ZNF419: variants seen among roughly 807,000 people sequenced by gnomAD.
The protein encoded by ZNF419 is zinc finger protein 419.
ZNF419 carries 8 observed loss-of-function variants against 14.9 expected under a neutral mutation model. That is an observed-to-expected ratio of 0.54 (90% confidence interval 0.32 to 0.97). The LOEUF is 0.97. ZNF419 is among the 50% of genes least tolerant of loss of function. The pLI, the probability that ZNF419 is intolerant of heterozygous loss-of-function variation, is 0.04. For missense variants in ZNF419, 595 were observed against 607.2 expected (o/e 0.98, Z 0.21); for synonymous variants, 211 against 205.3 (o/e 1.03, Z -0.24).
Position 57,493,721 on chromosome 19 carries a change from A to G in ZNF419, c.1164A>G (p.Gln388=), listed in dbSNP as rs752851392. The G allele has an allele frequency of 1.1e-5, 18 of 1,614,046 alleles. No homozygotes were observed. Among genetic ancestry groups the G allele is most frequent in the Admixed American group, 3.3e-5 (2 of 60,000 alleles). The change falls in exon 5 of 5, where the codon CAA becomes CAG. Residue 388 remains glutamine (Q), a synonymous_variant. Coordinates refer to ENST00000221735, the MANE Select transcript of ZNF419 (RefSeq NM_024691.4). The part of the protein sequence containing the change: ...KFFTQCSSLM[Q]HQKVHTGEKP... ...TTACCCAATGCTCAAGCCTCATGCA[A>G]CATCAAAAAGTTCACACTGGAGAAA...
intron 2 of ZNF419, 53 bp from the exon 3 acceptor site, chr19:57,491,418 A>G (rs746626372): frequency 4.4e-6 from 7 of 1,605,944 alleles, no homozygotes; most frequent in Non-Finnish European, 3.4e-6. Flanking sequence ...GCAGATGCCT[A>G]AATTTCCCAG....
chr19:57,493,619 C>T lies in ZNF419; in HGVS notation c.1062C>T (p.His354=). ...GTGAATGTGGAAAATTCTATAGCCA[C>T]AAGTCCAACCTTATCAAACATTGGC... ...KCSECGKFYS[H]KSNLIKHWRV... Residue 354 remains histidine (H), a synonymous_variant, in exon 5 of 5, where the codon CAC becomes CAT. Coordinates refer to ENST00000221735, the MANE Select transcript of ZNF419 (RefSeq NM_024691.4). 2 of 1,613,994 alleles carry T rather than the reference C, an allele frequency of 1.2e-6. No homozygotes were observed. Among genetic ancestry groups the T allele is most frequent in the South Asian group, 1.1e-5 (1 of 91,068 alleles).
chr19:57,493,929 A>T lies in ZNF419; in HGVS notation c.1372A>T (p.Asn458Tyr). The T allele has an allele frequency of 6.2e-7, 1 of 1,614,050 alleles. No homozygotes were observed. The highest frequency in any genetic ancestry group is 8.5e-7 in the Non-Finnish European group (1 of 1,180,006). The change falls in exon 5 of 5, where the codon AAT becomes TAT. Residue 458 changes from asparagine to tyrosine, a missense_variant. By Grantham distance (143) the Asn-to-Tyr change is moderately radical. Coordinates refer to ENST00000221735, the MANE Select transcript of ZNF419 (RefSeq NM_024691.4). ...CATTGGAGAAAAGCCTTTTAAGTGC[A>T]ATGAATGTGGGAGATTGTTTAGAGA... Reference protein sequence around the residue: ...VHIGEKPFKCNECGRLFRENS... With the variant: ...VHIGEKPFKCYECGRLFRENS...
Position 57,494,381 on chromosome 19 carries a change from G to A in ZNF419, c.*291G>A. 2.8e-6 allele frequency: 1 copy of A among 353,504 alleles called. No homozygotes were observed. The highest frequency in any genetic ancestry group is 4.9e-6 in the Non-Finnish European group (1 of 203,322). 21.9% of individuals were successfully genotyped at this position (353,504 alleles called of 1,614,324 possible). A position where few individuals can be genotyped will look rare whatever the true frequency, so the allele number is the denominator to read the frequency against. On this transcript the variant is annotated 3_prime_UTR_variant, in exon 5 of 5. Coordinates refer to ENST00000221735, the MANE Select transcript of ZNF419 (RefSeq NM_024691.4). ...CACTTAAAACAGAAACTCTGAGGATGGCCTTTATGAGGGAGCTGGCAATTG... is the reference window on the plus strand; with the variant it reads ...CACTTAAAACAGAAACTCTGAGGATAGCCTTTATGAGGGAGCTGGCAATTG...
chr19:57,489,632 G>A (rs562842213), intron 1 of ZNF419: 23 of 154,318 alleles, frequency 1.5e-4, no homozygotes, highest in African/African-American at 5.3e-4. Context: ...TGGGATTACA[G>A]GCATGCACCA....
In ZNF419 at chr19:57,487,832, G is replaced by C. The variant is rs1443519909; in HGVS notation, c.-119G>C. On this transcript the variant is annotated 5_prime_UTR_variant, in exon 1 of 5. Transcript: ENST00000221735. ...GGCGACCAGCGCCGGAAGGCACGGT[G>C]GCGACTCACGCTGTTCTCGCCGCTC... 2 of 1,461,276 alleles carry C rather than the reference G, an allele frequency of 1.4e-6. No individual in the cohort carries two copies. The highest frequency in any genetic ancestry group is 1.9e-6 in the Non-Finnish European group (2 of 1,047,032). The allele number at this position is 1,461,276 out of a possible 1,614,324, so 90.5% of individuals were successfully genotyped here. A position where few individuals can be genotyped will look rare whatever the true frequency, so the allele number is the denominator to read the frequency against.
In ZNF419 at chr19:57,493,815, GT is replaced by G; in HGVS notation, c.1260del (p.His421ThrfsTer166). ...ENSTLVRHQR[V>X]HTGAKPYECR... ...TTCCACCCTAGTTAGACATCAGAGGGTTCACACTGGAGCAAAGCCTTATGAG... is the reference window on the plus strand; with the variant it reads ...TTCCACCCTAGTTAGACATCAGAGGGTCACACTGGAGCAAAGCCTTATGAG... On this transcript the variant is annotated frameshift_variant, in exon 5 of 5. Transcript: ENST00000221735. LOFTEE classifies it low-confidence loss of function (END_TRUNC). 6.2e-7 allele frequency: 1 copy of G among 1,614,030 alleles called. No individual in the cohort carries two copies. The highest frequency in any genetic ancestry group is 8.5e-7 in the Non-Finnish European group (1 of 1,179,980).
At chr19:57,492,708 C>A (rs2089518235) in intron 4 of ZNF419, 148 bp from the exon 5 acceptor site, 3 of 1,120,712 alleles carry the variant, frequency 2.7e-6, no homozygotes, top group African/African-American at 3.1e-5. Flanking sequence ...CACTGCACAG[C>A]AGGCCCTTCC....
In ZNF419 at chr19:57,493,700, C is replaced by G. The variant is rs1357761960; in HGVS notation, c.1143C>G (p.Thr381=). The G allele has an allele frequency of 3.1e-6, 5 of 1,613,950 alleles. No individual in the cohort carries two copies. The highest frequency in any genetic ancestry group is 4.2e-6 in the Non-Finnish European group (5 of 1,179,982). ...GCAGCGACTGTGGGAAATTTTTTAC[C>G]CAATGCTCAAGCCTCATGCAACATC... is the stretch of plus-strand genomic sequence containing the variant. ...YKCSDCGKFF[T]QCSSLMQHQK... Residue 381 remains threonine, a synonymous_variant, in exon 5 of 5, where the codon ACC becomes ACG. Coordinates refer to ENST00000221735, the MANE Select transcript of ZNF419 (RefSeq NM_024691.4).
chr19:57,491,174 C>T, intron 2 of ZNF419: 1 of 440,214 alleles, frequency 2.3e-6, no homozygotes, highest in Non-Finnish European at 4.2e-6. Context: ...AACACTGACA[C>T]AAATTTGATT....
intron 2 of ZNF419, 94 bp downstream of exon 2, chr19:57,490,279 C>A: frequency 8.3e-7 from 1 of 1,201,868 alleles, no homozygotes; most frequent in Non-Finnish European, 1.2e-6. Context: ...GCTGGCTATT[C>A]TCCCTACCCT....
intron 2 of ZNF419, chr19:57,490,795 G>A (rs554413257): frequency 1.0e-4 from 16 of 155,420 alleles, no homozygotes; most frequent in Admixed American, 9.4e-4. Flanking sequence ...ATTATGTCTG[G>A]GGGAAGCATC....
At position 57,488,003 on chromosome 19, in the gene ZNF419, G is replaced by A. The variant is rs757127375; in HGVS notation, c.33+20G>A. On this transcript the variant is annotated intron_variant, in intron 1 of 4. Coordinates refer to ENST00000221735, the MANE Select transcript of ZNF419 (RefSeq NM_024691.4). ...GCTCAGGTGAGCGCCGCGTCCTCCT[G>A]GCCTCCCCCGAATCCTAAAGCCCTG... The A allele has an allele frequency of 1.9e-6, 3 of 1,613,432 alleles. No individual in the cohort carries two copies. Among genetic ancestry groups the A allele is most frequent in the Non-Finnish European group, 1.7e-6 (2 of 1,179,844 alleles).
chr19:57,491,720 G>T, intron 3 of ZNF419, 123 bp downstream of exon 3: 1 of 1,340,262 alleles, frequency 7.5e-7, no homozygotes, highest in Non-Finnish European at 1.0e-6. Flanking sequence ...CCAGTATCCT[G>T]AAGTAGCTAT....
At position 57,492,106 on chromosome 19, in the gene ZNF419, T is replaced by G. The variant is rs1480956252; in HGVS notation, c.200-7T>G. On this transcript the variant is annotated splice_region_variant and splice_polypyrimidine_tract_variant and intron_variant, in intron 3 of 4. Transcript: ENST00000221735. ...CAGTGCTGCCACTCACCTGTCGTTT[T>G]CCTTAGGACTTGCATCTTCCAAGAC... 6 of 1,609,760 alleles carry G rather than the reference T, an allele frequency of 3.7e-6. No homozygotes were observed. The African/African-American group carries it at 5.4e-5, about 14-fold the overall frequency.
Position 57,493,787 on chromosome 19 carries a change from G to T in ZNF419, c.1230G>T (p.Glu410Asp), listed in dbSNP as rs772435899. ...ATGAATGTGGGAGATTCTTTAGAGAGAATTCCACCCTAGTTAGACATCAGA... is the reference window on the plus strand; with the variant it reads ...ATGAATGTGGGAGATTCTTTAGAGATAATTCCACCCTAGTTAGACATCAGA... Reference protein sequence around the residue: ...KCNECGRFFRENSTLVRHQRV... With the variant: ...KCNECGRFFRDNSTLVRHQRV... Residue 410 changes from glutamate (E) to aspartate (D), a missense_variant, in exon 5 of 5, where the codon GAG (glutamate) becomes GAT (aspartate). Coordinates refer to ENST00000221735, the MANE Select transcript of ZNF419 (RefSeq NM_024691.4). The T allele has an allele frequency of 5.0e-6, 8 of 1,613,960 alleles. No individual in the cohort carries two copies. The Admixed American group carries it at 1.0e-4, about 20-fold the overall frequency.
Position 57,488,291 on chromosome 19 carries a change from G to A in ZNF419, c.33+308G>A, listed in dbSNP as rs2089404503. The A allele has an allele frequency of 2.1e-5, 10 of 487,392 alleles. No individual in the cohort carries two copies. The East Asian group carries it at 3.2e-4, about 16-fold the overall frequency. 30.2% of individuals were successfully genotyped at this position (487,392 alleles called of 1,614,324 possible). A position where few individuals can be genotyped will look rare whatever the true frequency, so the allele number is the denominator to read the frequency against. On this transcript the variant is annotated intron_variant, in intron 1 of 4. Coordinates refer to ENST00000221735, the MANE Select transcript of ZNF419 (RefSeq NM_024691.4). Reference sequence around the variant, plus strand: ...GAGGGGGCCACAGTGGCCGCGGAGGGCTGGAGACAGAAGAGTGACAAGATC... The same window carrying A: ...GAGGGGGCCACAGTGGCCGCGGAGGACTGGAGACAGAAGAGTGACAAGATC...
intron 1 of ZNF419, 21 bp from the exon 2 acceptor site, chr19:57,490,126 C>T: frequency 6.2e-7 from 1 of 1,612,554 alleles, no homozygotes; most frequent in Non-Finnish European, 8.5e-7. Context: ...GTCTGGTTCT[C>T]ATAGTCTTGA....
rs1416537965 is a variant in ZNF419, at chr19:57,493,805, A to C, written c.1248A>C (p.Arg416Ser). The C allele has an allele frequency of 6.2e-7, 1 of 1,614,132 alleles. No homozygotes were observed. The highest frequency in any genetic ancestry group is 8.5e-7 in the Non-Finnish European group (1 of 1,180,000). Residue 416 changes from arginine (R) to serine (S), a missense_variant, in exon 5 of 5, where the codon AGA becomes AGC. Coordinates refer to ENST00000221735, the MANE Select transcript of ZNF419 (RefSeq NM_024691.4). ...RFFRENSTLVRHQRVHTGAKP... is the reference protein window; with the variant it reads ...RFFRENSTLVSHQRVHTGAKP... ...TTAGAGAGAATTCCACCCTAGTTAG[A>C]CATCAGAGGGTTCACACTGGAGCAA...
Sources: allele counts gnomAD v4.1 joint callset, GRCh38; gene constraint gnomAD v4.1.1; transcripts MANE v1.5; gene names NCBI Gene and HGNC (gene_info 2026-07-23, HGNC 2026-07-21).